The following PCSK2 variants were observed in gnomAD, a reference collection of about 807,000 sequenced individuals.
The protein encoded by PCSK2 is proprotein convertase subtilisin/kexin type 2.
In PCSK2, 14 loss-of-function variants were observed where a neutral mutation model predicts 69.7. The ratio of observed to expected loss-of-function variants is 0.20; its 90% CI spans 0.13 to 0.31. The LOEUF is 0.31. Among genes scored for constraint, PCSK2 ranks in the 10% least tolerant of loss-of-function variants. The pLI, the probability that PCSK2 is intolerant of heterozygous loss-of-function variation, is 1.00. For synonymous variants in PCSK2, 307 were observed against 320.7 expected, an observed-to-expected ratio of 0.96 and a Z score of 0.46; for missense variants, 544 against 842.5, an observed-to-expected ratio of 0.65 and a Z score of 4.39.
intron 2 of PCSK2, among the ~76,000 whole-genome samples, chr20:17,282,246 C>T (rs1412665421): frequency 6.6e-6 from 1 of 152,032 alleles, no homozygotes; most frequent in Non-Finnish European, 1.5e-5. Flanking sequence ...TACACACACA[C>T]ATAAACACAC....
chr20:17,402,888 C>T (rs1451340973), intron 5 of PCSK2, among the ~76,000 whole-genome samples: 2 of 151,602 alleles, frequency 1.3e-5, no homozygotes, highest in Non-Finnish European at 2.9e-5. Context: ...ACCTGGGAGG[C>T]GGAGCTTGCA....
intron 8 of PCSK2, among the ~76,000 whole-genome samples, chr20:17,438,982 A>G (rs757268759): frequency 2.6e-5 from 4 of 152,180 alleles, no homozygotes; most frequent in African/African-American, 4.8e-5. Context: ...GGGCAGCCGA[A>G]TCTCTGCCTC....
intron 2 of PCSK2, among the ~76,000 whole-genome samples, chr20:17,346,631 C>A (rs1990660604): frequency 6.6e-6 from 1 of 152,192 alleles, no homozygotes; most frequent in South Asian, 2.1e-4. Context: ...TTGAGAGGAA[C>A]ATGTCATTTT....
At chr20:17,469,934 C>T (rs6111544) in intron 11 of PCSK2, among the ~76,000 whole-genome samples, 1 of 152,114 alleles carries the variant, frequency 6.6e-6, no homozygotes, top group Non-Finnish European at 1.5e-5. Flanking sequence ...AAACACCCAC[C>T]TAGTGGGTGC....
intron 1 of PCSK2, among the ~76,000 whole-genome samples, chr20:17,259,492 TC>T (rs1410777296): frequency 6.6e-6 from 1 of 152,108 alleles, no homozygotes; most frequent in Admixed American, 6.5e-5. Flanking sequence ...CTGAGCCACA[TC>T]CAGGCCTCCA....
intron 6 of PCSK2, among the ~76,000 whole-genome samples, chr20:17,414,273 G>A (rs935946148): frequency 1.3e-4 from 19 of 151,896 alleles, no homozygotes; most frequent in Non-Finnish European, 2.2e-4. Context: ...ATCAACAAAA[G>A]TGATAGATCA....
chr20:17,329,621 T>C (rs1456359883), intron 2 of PCSK2, among the ~76,000 whole-genome samples: 1 of 152,230 alleles, frequency 6.6e-6, no homozygotes, highest in Non-Finnish European at 1.5e-5. Context: ...CTCTCTCAGC[T>C]AACACGTGCA....
intron 2 of PCSK2, among the ~76,000 whole-genome samples, chr20:17,273,544 C>T (rs550727389): frequency 2.3e-4 from 35 of 152,222 alleles, no homozygotes; most frequent in Middle Eastern, 3.4e-3. Context: ...ATAGTGTCAC[C>T]TACTCCTTTT....
At chr20:17,361,479 G>T (rs761116450) in intron 4 of PCSK2, among the ~76,000 whole-genome samples, 20 of 152,220 alleles carry the variant, frequency 1.3e-4, no homozygotes, top group Non-Finnish European at 2.2e-4. Context: ...CTGGGGATGT[G>T]TTGTTGCCCT....
intron 6 of PCSK2, among the ~76,000 whole-genome samples, chr20:17,428,780 C>T (rs747932431): frequency 6.6e-6 from 1 of 151,872 alleles, no homozygotes; most frequent in Non-Finnish European, 1.5e-5. Context: ...GGGAAGATCG[C>T]TTGAGCCCAG....
rs1431554227 is a variant in PCSK2, at chr20:17,453,340, TA to T, written c.886-399del. ...TTTTCACTAAAAAATGTCTGATACA[TA>T]AAGAGATGTAAGAATGAGATAATAA... On this transcript the variant is annotated intron_variant, in intron 8 of 11. Coordinates refer to ENST00000262545, the MANE Select transcript of PCSK2 (RefSeq NM_002594.5). The surrounding 1 kb of genome is among the most constrained non-coding windows in gnomAD (Gnocchi z 4.0). 1.3e-5 allele frequency among the ~76,000 whole-genome samples: 2 copies of T among 152,202 alleles called. No homozygotes were observed. Among genetic ancestry groups the T allele is most frequent in the African/African-American group, 4.8e-5 (2 of 41,454 alleles).
intron 2 of PCSK2, among the ~76,000 whole-genome samples, chr20:17,342,482 C>T (rs1482697201): frequency 6.6e-6 from 1 of 152,062 alleles, no homozygotes; most frequent in Non-Finnish European, 1.5e-5. Flanking sequence ...ACATGCCTGG[C>T]TAATTTGTGT....
At chr20:17,410,516 G>A (rs974837936) in intron 6 of PCSK2, among the ~76,000 whole-genome samples, 3 of 152,100 alleles carry the variant, frequency 2.0e-5, no homozygotes, top group Non-Finnish European at 4.4e-5. Flanking sequence ...AAAAGAAAAT[G>A]AAATTTAATT....
rs148101958 is a variant in PCSK2, at chr20:17,295,286, T to G, written c.282+34942T>G. 8.6e-5 allele frequency among the ~76,000 whole-genome samples: 13 copies of G among 151,670 alleles called. No individual in the cohort carries two copies. In the East Asian group the frequency reaches 2.5e-3, roughly 30 times the overall value. On this transcript the variant is annotated intron_variant, in intron 2 of 11. Coordinates refer to ENST00000262545, the MANE Select transcript of PCSK2 (RefSeq NM_002594.5). The stretch of plus-strand genomic sequence containing the variant: ...AATGCATGCCAGATATTGTTTTAAA[T>G]GCCATTATTACCACTTCCCAAGCAA...
chr20:17,356,646 G>A (rs767169079), intron 2 of PCSK2, among the ~76,000 whole-genome samples: 8 of 152,174 alleles, frequency 5.3e-5, no homozygotes, highest in Non-Finnish European at 1.2e-4. Context: ...CAACAGAAAT[G>A]GATTCTGCTT....
intron 5 of PCSK2, among the ~76,000 whole-genome samples, chr20:17,388,246 G>A (rs1315484126): frequency 2.0e-5 from 3 of 152,170 alleles, no homozygotes; most frequent in African/African-American, 4.8e-5. Flanking sequence ...CATCCTAGGA[G>A]CAAAGGGAAG....
At chr20:17,455,992 T>G (rs1271546483) in intron 9 of PCSK2, among the ~76,000 whole-genome samples, 2 of 152,156 alleles carry the variant, frequency 1.3e-5, no homozygotes, top group Non-Finnish European at 2.9e-5. Flanking sequence ...ATGCCTGTAA[T>G]CCTTTGGAAG....
At chr20:17,306,081 A>G (rs1487543978) in intron 2 of PCSK2, among the ~76,000 whole-genome samples, 2 of 152,198 alleles carry the variant, frequency 1.3e-5, no homozygotes, top group African/African-American at 4.8e-5. Context: ...AACCATTTTT[A>G]TAGGGCTTTC....
At chr20:17,388,258 T>C (rs2031287050) in intron 5 of PCSK2, among the ~76,000 whole-genome samples, 1 of 152,102 alleles carries the variant, frequency 6.6e-6, no homozygotes, top group Non-Finnish European at 1.5e-5. Flanking sequence ...AAAGGGAAGC[T>C]TCAGGGTGGC....
Sources: gnomAD v4.1 joint callset for allele counts (sites outside exome capture counted in the v4.1 genomes callset) on GRCh38, gnomAD v4.1.1 for gene constraint, Gnocchi (gnomAD v3.1) non-coding constraint, MANE v1.5 for transcripts, NCBI Gene and HGNC (gene_info 2026-07-23, HGNC 2026-07-21) for gene names.